VEGFC: variants seen among roughly 807,000 people sequenced by gnomAD.
The protein encoded by VEGFC is vascular endothelial growth factor C.
Under a neutral mutation model 46.1 loss-of-function variants are expected in VEGFC, and 12 were observed. The ratio of observed to expected loss-of-function variants is 0.26; its 90% confidence interval spans 0.17 to 0.42. VEGFC has a LOEUF of 0.42. VEGFC is among the 10% of genes least tolerant of loss of function. The pLI is 1.00. For missense variants in VEGFC, 488 were observed against 529.4 expected, an observed-to-expected ratio of 0.92 and a Z score of 0.77; for synonymous variants, 232 against 195.5, an observed-to-expected ratio of 1.19 and a Z score of -1.56.
intron 3 of VEGFC, among the ~76,000 whole-genome samples, chr4:176,720,947 C>CATA (rs33949000): frequency 0.088 from 13,345 of 150,870 alleles, 1,192 homozygotes; most frequent in African/African-American, 0.22. Context: ...GCTGTGGAAG[C>CATA]ACATAACAGA....
chr4:176,738,917 T>C (rs896729554), intron 1 of VEGFC, among the ~76,000 whole-genome samples: 1 of 151,860 alleles, frequency 6.6e-6, no homozygotes, highest in South Asian at 2.1e-4. Flanking sequence ...CAGTCTATCA[T>C]TGATGGGCAA....
At chr4:176,750,159 C>G (rs537955912) in intron 1 of VEGFC, among the ~76,000 whole-genome samples, 1 of 151,500 alleles carries the variant, frequency 6.6e-6, no homozygotes, top group African/African-American at 2.4e-5. Context: ...AGTCATAACA[C>G]TGGGTACATG....
At chr4:176,763,683 G>T (rs529129776) in intron 1 of VEGFC, among the ~76,000 whole-genome samples, 24 of 152,128 alleles carry the variant, frequency 1.6e-4, no homozygotes, top group African/African-American at 5.8e-4. Context: ...TGGAAGTAAA[G>T]TAAATATTAT....
Position 176,687,932 on chromosome 4 carries a change from G to A in VEGFC, c.705-5C>T, listed in dbSNP as rs376703542. ...GTCTTGTTCGCTGCCTGACACCTTT[G>A]GAAGAAACAGACGAGGTTTAGCAAT... On this transcript the variant is annotated splice_region_variant and splice_polypyrimidine_tract_variant and intron_variant, in intron 4 of 6. Coordinates refer to ENST00000618562, the MANE Select transcript of VEGFC (RefSeq NM_005429.5). 35 of 1,591,692 alleles carry A rather than the reference G, an allele frequency of 2.2e-5. No individual in the cohort carries two copies. In the African/African-American group the frequency reaches 4.4e-4, roughly 20 times the overall value.
intron 1 of VEGFC, among the ~76,000 whole-genome samples, chr4:176,737,668 C>T (rs1419441578): frequency 6.6e-6 from 1 of 151,530 alleles, no homozygotes; most frequent in Non-Finnish European, 1.5e-5. Context: ...CTGCTTTTCT[C>T]CAGTAAAGCC....
chr4:176,722,820 C>G (rs1734811978), intron 3 of VEGFC, among the ~76,000 whole-genome samples: 1 of 151,994 alleles, frequency 6.6e-6, no homozygotes, highest in Non-Finnish European at 1.5e-5. Context: ...ATTTCTAAAG[C>G]CTAAACCTCT....
intron 1 of VEGFC, among the ~76,000 whole-genome samples, chr4:176,788,637 T>C (rs530406051): frequency 6.6e-6 from 1 of 152,332 alleles, no homozygotes; most frequent in African/African-American, 2.4e-5. Context: ...CTCACTTCCA[T>C]TGTCCAGCAT....
At chr4:176,706,624 T>TAA (rs1734539864) in intron 4 of VEGFC, among the ~76,000 whole-genome samples, 2 of 29,784 alleles carry the variant, frequency 6.7e-5, no homozygotes, top group African/African-American at 3.8e-4. Context: ...AGAATCTGTC[T>TAA]CAAAAAAAAA....
In VEGFC at chr4:176,708,903, A is replaced by T. The variant is rs527257624; in HGVS notation, c.704+2596T>A. Among the ~76,000 whole-genome samples the T allele has an allele frequency of 2.0e-5, 3 of 152,324 alleles. No individual in the cohort carries two copies. In the East Asian group the frequency reaches 5.8e-4, roughly 29 times the overall value. ...TGCATAAGCATTCAGTACTTCATTC[A>T]ATCCTCTTTACATCTTTACAGTTTA... is the stretch of plus-strand genomic sequence containing the variant. On this transcript the variant is annotated intron_variant, in intron 4 of 6. Coordinates refer to ENST00000618562, the MANE Select transcript of VEGFC (RefSeq NM_005429.5).
chr4:176,781,916 T>C (rs1164645133), intron 1 of VEGFC, among the ~76,000 whole-genome samples: 2 of 152,166 alleles, frequency 1.3e-5, no homozygotes, highest in African/African-American at 4.8e-5. Context: ...CCATACCCTA[T>C]TCAATTACCA....
intron 3 of VEGFC, 102 bp downstream of exon 3, chr4:176,727,676 C>A: frequency 8.0e-7 from 1 of 1,253,162 alleles, no homozygotes. Flanking sequence ...TGAGTTGAAC[C>A]AAGTTAGTTT....
chr4:176,729,548 T>C lies in VEGFC; in HGVS notation c.346A>G (p.Thr116Ala). 1 of 1,613,180 alleles carries C rather than the reference T, an allele frequency of 6.2e-7. No individual in the cohort carries two copies. Among genetic ancestry groups the C allele is most frequent in the Non-Finnish European group, 8.5e-7 (1 of 1,179,756 alleles). ...TIKFAAAHYN[T>A]EILKSIDNEW... The stretch of plus-strand genomic sequence containing the variant: ...CCATACTTACTTTTCAAGATCTCTG[T>C]ATTATAATGTGCTGCAGCAAATTTT... Residue 116 changes from threonine to alanine, a missense_variant, in exon 2 of 7, where the codon ACA (threonine) becomes GCA (alanine). Coordinates refer to ENST00000618562, the MANE Select transcript of VEGFC (RefSeq NM_005429.5).
At chr4:176,781,856 C>T (rs377665951) in intron 1 of VEGFC, among the ~76,000 whole-genome samples, 47 of 152,286 alleles carry the variant, frequency 3.1e-4, no homozygotes, top group Admixed American at 5.9e-4. Flanking sequence ...AGTAAAAGGG[C>T]GTTAAACTTT....
At chr4:176,698,214 G>C (rs546833277) in intron 4 of VEGFC, among the ~76,000 whole-genome samples, 62 of 151,492 alleles carry the variant, frequency 4.1e-4, no homozygotes, top group Admixed American at 7.2e-4. Flanking sequence ...TTTTGTGCAT[G>C]CTATTTTTGT....
At chr4:176,688,472 C>T (rs1316815296) in intron 4 of VEGFC, among the ~76,000 whole-genome samples, 1 of 152,150 alleles carries the variant, frequency 6.6e-6, no homozygotes, top group East Asian at 1.9e-4. Flanking sequence ...ATTTCTGAAG[C>T]ACAGATCCCC....
chr4:176,782,315 A>G (rs995207021), intron 1 of VEGFC, among the ~76,000 whole-genome samples: 1 of 151,986 alleles, frequency 6.6e-6, no homozygotes, highest in Non-Finnish European at 1.5e-5. Flanking sequence ...ATTTTAAAAA[A>G]TAGCTGGGTG....
intron 4 of VEGFC, among the ~76,000 whole-genome samples, chr4:176,697,001 T>C (rs1439643208): frequency 6.6e-6 from 1 of 150,670 alleles, no homozygotes; most frequent in Non-Finnish European, 1.5e-5. Flanking sequence ...GATTAAAGAC[T>C]TAAACGTTAG....
intron 3 of VEGFC, among the ~76,000 whole-genome samples, chr4:176,718,273 C>G (rs1401551574): frequency 6.6e-6 from 1 of 152,078 alleles, no homozygotes; most frequent in African/African-American, 2.4e-5. Context: ...ATACAAATCA[C>G]GTTCCACTTG....
chr4:176,791,448 C>A (rs1452817032), intron 1 of VEGFC, among the ~76,000 whole-genome samples: 1 of 151,942 alleles, frequency 6.6e-6, no homozygotes, highest in Non-Finnish European at 1.5e-5. Flanking sequence ...TTAAACACCT[C>A]TTATTTAAAA....
Sources: allele counts gnomAD v4.1 joint callset (sites outside exome capture counted in the v4.1 genomes callset), GRCh38; gene constraint gnomAD v4.1.1; transcripts MANE v1.5; gene names NCBI Gene and HGNC (gene_info 2026-07-23, HGNC 2026-07-21).